The following FGF7 variants were observed in gnomAD, a reference collection of about 807,000 sequenced individuals.
FGF7 encodes the protein FGF-7.
FGF7 carries 6 observed loss-of-function variants against 20.5 expected under a neutral mutation model. The observed-to-expected ratio is 0.29, with a 90% CI of 0.16 to 0.58. FGF7 has a LOEUF of 0.58. FGF7 is among the 20% of genes least tolerant of loss of function. FGF7 has a pLI of 0.90. For synonymous variants in FGF7, 64 were observed against 74.7 expected (o/e 0.86, Z 0.74); for missense variants, 144 against 228.8 (o/e 0.63, Z 2.39).
chr15:49,452,273 G>A lies in FGF7; in HGVS notation c.286+27690G>A, dbSNP rs140752106. ...TCACTGTGTTGGCCAGGATGGTCTC[G>A]AACTCCTGACCTCAAGTTATCTGCC... On this transcript the variant is annotated intron_variant, in intron 2 of 3. Transcript: ENST00000267843. Among the ~76,000 whole-genome samples, 14 of 152,088 alleles carry A rather than the reference G, an allele frequency of 9.2e-5. No individual in the cohort carries two copies. In the East Asian group the frequency reaches 1.9e-3, roughly 21 times the overall value.
At chr15:49,473,004 C>G (rs530743313) in intron 2 of FGF7, among the ~76,000 whole-genome samples, 1 of 152,272 alleles carries the variant, frequency 6.6e-6, no homozygotes, top group African/African-American at 2.4e-5. Context: ...TAAAACTCAC[C>G]ATTTCTTAAG....
At chr15:49,453,868 A>C (rs1429568846) in intron 2 of FGF7, among the ~76,000 whole-genome samples, 1 of 152,148 alleles carries the variant, frequency 6.6e-6, no homozygotes, top group Non-Finnish European at 1.5e-5. Context: ...ATTTTACATA[A>C]GAGTTCTGAT....
chr15:49,446,858 G>A (rs2052266523), intron 2 of FGF7, among the ~76,000 whole-genome samples: 1 of 151,534 alleles, frequency 6.6e-6, no homozygotes, highest in Admixed American at 6.6e-5. Context: ...GATACAAGCA[G>A]GGGGAGAAGT....
chr15:49,455,372 T>C (rs1038773594), intron 2 of FGF7, among the ~76,000 whole-genome samples: 1 of 152,238 alleles, frequency 6.6e-6, no homozygotes, highest in Non-Finnish European at 1.5e-5. Flanking sequence ...GAATATCTAC[T>C]TCATGATGAA....
intron 2 of FGF7, among the ~76,000 whole-genome samples, chr15:49,444,340 A>T (rs1035084587): frequency 1.3e-5 from 2 of 151,746 alleles, no homozygotes; most frequent in African/African-American, 2.4e-5. Context: ...CTATGAAAAG[A>T]TTTGAAAATG....
At chr15:49,447,835 T>A (rs2052365654) in intron 2 of FGF7, among the ~76,000 whole-genome samples, 1 of 151,718 alleles carries the variant, frequency 6.6e-6, no homozygotes, top group Admixed American at 6.6e-5. Flanking sequence ...AATCCAAGAT[T>A]CACAGAACGA....
At chr15:49,454,994 T>C (rs1447620189) in intron 2 of FGF7, among the ~76,000 whole-genome samples, 4 of 152,094 alleles carry the variant, frequency 2.6e-5, no homozygotes, top group African/African-American at 4.8e-5. Flanking sequence ...TGAGGTGGGA[T>C]GGAAAACAGG....
intron 2 of FGF7, among the ~76,000 whole-genome samples, chr15:49,442,461 T>C (rs1467271151): frequency 6.6e-6 from 1 of 151,714 alleles, no homozygotes; most frequent in Admixed American, 6.6e-5. Flanking sequence ...GTTATGATTT[T>C]CTCCTTAGAT....
intron 2 of FGF7, among the ~76,000 whole-genome samples, chr15:49,434,211 A>T (rs1336756038): frequency 6.6e-6 from 1 of 151,680 alleles, no homozygotes; most frequent in Non-Finnish European, 1.5e-5. Flanking sequence ...TAGGAAGGTC[A>T]CTTGTAGGTG....
At position 49,445,803 on chromosome 15, in the gene FGF7, T is replaced by G. The variant is rs550004169; in HGVS notation, c.286+21220T>G. 9.2e-5 allele frequency among the ~76,000 whole-genome samples: 14 copies of G among 151,618 alleles called. 1 individual carries two copies. The South Asian group carries it at 2.7e-3, about 29-fold the overall frequency. On this transcript the variant is annotated intron_variant, in intron 2 of 3. Transcript: ENST00000267843. ...CAAGAAATAATAGTAAAAGAGTGTA[T>G]TTGAAACTCTCTTATCACCAGATTC...
At chr15:49,442,252 C>T (rs1314621590) in intron 2 of FGF7, among the ~76,000 whole-genome samples, 1 of 151,526 alleles carries the variant, frequency 6.6e-6, no homozygotes, top group African/African-American at 2.4e-5. Context: ...TATAAACATC[C>T]ATACTTTTTC....
In FGF7 at chr15:49,487,145, C is replaced by T. The variant is rs1265796171; in HGVS notation, c.*2641C>T. ...ATGCACTTCATACACAATGACTAAT[C>T]TATACTGTGATGATTTGACTCAAAA... On this transcript the variant is annotated 3_prime_UTR_variant, in exon 4 of 4. Transcript: ENST00000267843. The T allele has an allele frequency of 6.6e-6, 1 of 151,822 alleles. No homozygotes were observed. The highest frequency in any genetic ancestry group is 2.4e-5 in the African/African-American group (1 of 41,390). 9.4% of individuals were successfully genotyped at this position (151,822 alleles called of 1,614,324 possible).
At chr15:49,479,597 C>CTTTTTTTTTTTTTTTTTTTTTTTT (rs1567359064) in intron 2 of FGF7, among the ~76,000 whole-genome samples, 1 of 102,078 alleles carries the variant, frequency 9.8e-6, no homozygotes, top group Non-Finnish European at 1.8e-5. Flanking sequence ...GTTAATACCT[C>CTTTTTTTTTTTTTTTTTTTTTTTT]TGTTTTTTTT....
At chr15:49,432,564 C>T (rs61259878) in intron 2 of FGF7, among the ~76,000 whole-genome samples, 1 of 151,420 alleles carries the variant, frequency 6.6e-6, no homozygotes, top group Non-Finnish European at 1.5e-5. Flanking sequence ...TAAATTTCAA[C>T]TTGAGAGCTA....
At chr15:49,445,087 G>T (rs1301890136) in intron 2 of FGF7, among the ~76,000 whole-genome samples, 1 of 151,236 alleles carries the variant, frequency 6.6e-6, no homozygotes, top group Admixed American at 6.6e-5. Context: ...TTTCTTTCCA[G>T]ACTAAAATTT....
intron 2 of FGF7, among the ~76,000 whole-genome samples, chr15:49,475,918 G>T (rs894241473): frequency 8.5e-5 from 13 of 152,098 alleles, no homozygotes; most frequent in African/African-American, 3.1e-4. Context: ...ATCCTGGGAG[G>T]TTCAAGACCC....
chr15:49,454,029 T>C (rs1272444719), intron 2 of FGF7, among the ~76,000 whole-genome samples: 1 of 152,112 alleles, frequency 6.6e-6, no homozygotes, highest in African/African-American at 2.4e-5. Flanking sequence ...CCTAGGAAGT[T>C]TATATGGCTG....
intron 2 of FGF7, among the ~76,000 whole-genome samples, chr15:49,455,581 A>G (rs1285048458): frequency 6.6e-6 from 1 of 152,198 alleles, no homozygotes; most frequent in Non-Finnish European, 1.5e-5. Context: ...CAGTTATAAA[A>G]AAGTTTTTGG....
chr15:49,470,498 T>C (rs928474951), intron 2 of FGF7, among the ~76,000 whole-genome samples: 1 of 152,176 alleles, frequency 6.6e-6, no homozygotes, highest in African/African-American at 2.4e-5. Flanking sequence ...TCAAACTTAA[T>C]ATCTTCATAA....
Sources: gnomAD v4.1 joint callset for allele counts (sites outside exome capture counted in the v4.1 genomes callset) on GRCh38, gnomAD v4.1.1 for gene constraint, MANE v1.5 for transcripts, NCBI Gene and HGNC (gene_info 2026-07-23, HGNC 2026-07-21) for gene names.